Variants in TBX5 observed in about 807,000 individuals in gnomAD.
TBX5 encodes T-box transcription factor TBX5.
In TBX5, 8 loss-of-function variants were observed where a neutral mutation model predicts 51.1. The ratio of observed to expected loss-of-function variants is 0.16; its 90% CI spans 0.09 to 0.28. The LOEUF is 0.28. TBX5 is among the 10% of genes least tolerant of loss of function. The probability of loss-of-function intolerance (pLI) is 1.00; values close to 1 mark genes in which losing one functional copy is unlikely to be tolerated. For synonymous variants in TBX5, 302 were observed against 266.4 expected, an observed-to-expected ratio of 1.13 and a Z score of -1.30; for missense variants, 589 against 671.7, an observed-to-expected ratio of 0.88 and a Z score of 1.36.
chr12:114,399,668 G>C (rs1190444536), intron 3 of TBX5, 36 bp from the exon 4 acceptor site: 2 of 1,613,944 alleles, frequency 1.2e-6, no homozygotes, highest in East Asian at 4.5e-5. Flanking sequence ...AGGGGGGCGG[G>C]AATTAATGCC....
intron 8 of TBX5, among the ~76,000 whole-genome samples, chr12:114,364,786 T>C (rs1869421952): frequency 6.6e-6 from 1 of 152,148 alleles, no homozygotes; most frequent in Admixed American, 6.5e-5. Context: ...TTAGGAAACA[T>C]ATCATTTACA....
chr12:114,398,438 G>C, intron 5 of TBX5, 135 bp downstream of exon 5: 1 of 1,306,854 alleles, frequency 7.7e-7, no homozygotes, highest in Non-Finnish European at 1.1e-6. Context: ...AGAAAGCGAC[G>C]AAAGTGGGGG....
chr12:114,366,065 ATAAAG>A (rs1159358860), intron 8 of TBX5, 95 bp downstream of exon 8: 3 of 1,246,712 alleles, frequency 2.4e-6, no homozygotes, highest in African/African-American at 3.0e-5. Flanking sequence ...TTTTAAATAA[ATAAAG>A]TAAATAAATG....
chr12:114,406,623 G>A (rs1011954950), upstream of TBX5, among the ~76,000 whole-genome samples: 12 of 152,036 alleles, frequency 7.9e-5, no homozygotes, highest in African/African-American at 2.9e-4. Context: ...CGACTCTGGG[G>A]TGAAGGCAGG....
chr12:114,356,780 T>C (rs1290555768), intron 8 of TBX5, among the ~76,000 whole-genome samples: 2 of 152,154 alleles, frequency 1.3e-5, no homozygotes, highest in South Asian at 4.2e-4. Context: ...AGTAACACAT[T>C]TAATCACAAC....
Position 114,385,485 on chromosome 12 carries a change from C to G in TBX5, c.746G>C (p.Arg249Thr). 1 of 1,614,152 alleles carries G rather than the reference C, an allele frequency of 6.2e-7. No individual in the cohort carries two copies. Among genetic ancestry groups the G allele is most frequent in the Non-Finnish European group, 8.5e-7 (1 of 1,180,000 alleles). Residue 249 changes from arginine to threonine, a missense_variant, in exon 7 of 9, where the codon AGA becomes ACA. Arg to Thr is a moderately conservative substitution (Grantham distance 71). Transcript: ENST00000405440. Reference sequence around the variant, plus strand: ...GAATCCACTTTCCTACCTTTGCATTCTTGACATTCTGTGCAGCTCCATGTC... The same window carrying G: ...GAATCCACTTTCCTACCTTTGCATTGTTGACATTCTGTGCAGCTCCATGTC... ...SDDMELHRMS[R>T]MQSKEYPVVP...
At chr12:114,405,226 T>A (rs1413826932) in intron 1 of TBX5, among the ~76,000 whole-genome samples, 2 of 152,172 alleles carry the variant, frequency 1.3e-5, no homozygotes, top group African/African-American at 4.8e-5. Flanking sequence ...TTCGCCTCGT[T>A]CTCGGGGCTT....
At chr12:114,388,675 C>CGT (rs59385091) in intron 6 of TBX5, among the ~76,000 whole-genome samples, 27,201 of 123,860 alleles carry the variant, frequency 0.22, 3,493 homozygotes, top group Non-Finnish European at 0.3. Flanking sequence ...TTAAAGTATC[C>CGT]GTGTGTGTGT....
chr12:114,365,597 G>A (rs542977010), intron 8 of TBX5, among the ~76,000 whole-genome samples: 2 of 152,284 alleles, frequency 1.3e-5, no homozygotes, highest in South Asian at 4.1e-4. Context: ...GGGAAGCCAA[G>A]GCAGGTGGGT....
chr12:114,374,896 C>T (rs564035896), intron 7 of TBX5, among the ~76,000 whole-genome samples: 24 of 152,076 alleles, frequency 1.6e-4, no homozygotes, highest in Admixed American at 5.2e-4. Flanking sequence ...GAGAGAGGGA[C>T]GGAAGGATGG....
intron 6 of TBX5, among the ~76,000 whole-genome samples, chr12:114,387,291 C>A (rs1031049134): frequency 1.3e-5 from 2 of 152,180 alleles, no homozygotes; most frequent in Non-Finnish European, 2.9e-5. Flanking sequence ...GAATTCTTAT[C>A]TATTCTGCCT....
At chr12:114,365,079 C>T (rs1869441089) in intron 8 of TBX5, among the ~76,000 whole-genome samples, 1 of 151,568 alleles carries the variant, frequency 6.6e-6, no homozygotes, top group Admixed American at 6.6e-5. Context: ...AAAAAAAAAG[C>T]CATTTATTTC....
chr12:114,395,222 T>G (rs1477144957), intron 5 of TBX5, among the ~76,000 whole-genome samples: 1 of 152,164 alleles, frequency 6.6e-6, no homozygotes, highest in Non-Finnish European at 1.5e-5. Flanking sequence ...TGAGCAAGTC[T>G]GGATCGAGGA....
chr12:114,355,890 G>A lies in TBX5; in HGVS notation c.1199C>T (p.Thr400Met), dbSNP rs759766836. The A allele has an allele frequency of 1.1e-5, 18 of 1,613,598 alleles. No individual in the cohort carries two copies. The highest frequency in any genetic ancestry group is 1.4e-5 in the Non-Finnish European group (17 of 1,180,038). Residue 400 changes from threonine to methionine, a missense_variant, in exon 9 of 9, where the codon ACG becomes ATG. Coordinates refer to ENST00000405440, the MANE Select transcript of TBX5 (RefSeq NM_181486.4). ...GCTGTAGGAAGGCATGCTTGGCCAC[G>A]TGTTGCAGCTGATGTCCTCTAGGCT... ...VPSLEDISCNTWPSMPSYSSC... is the reference protein window; with the variant it reads ...VPSLEDISCNMWPSMPSYSSC...
At chr12:114,407,859 C>A (rs1264670728), upstream of TBX5, 1 of 985,246 alleles carries the variant, frequency 1.0e-6, no homozygotes, top group Middle Eastern at 5.2e-4. Flanking sequence ...GCCAGGAGTG[C>A]GCCTCGCTGG....
rs1871581681 is a variant in TBX5 at position 114,398,661 on chromosome 12, G to T, written c.422C>A (p.Ser141Tyr). The change falls in exon 5 of 9, where the codon TCC becomes TAC. Residue 141 changes from serine (S) to tyrosine (Y), a missense_variant. Ser to Tyr is a moderately radical substitution (Grantham distance 144). Transcript: ENST00000405440. ...MPGRLYVHPD[S>Y]PATGAHWMRQ... ...CATCCAATGCGCCCCGGTGGCGGGG[G>T]AGTCTGGGTGCACGTACAGGCGGCC... The T allele has an allele frequency of 2.5e-6, 4 of 1,613,206 alleles. No homozygotes were observed. Among genetic ancestry groups the T allele is most frequent in the East Asian group, 2.2e-5 (1 of 44,848 alleles).
rs765443283 is a variant in TBX5 at position 114,355,693 on chromosome 12, C to G, written c.1396G>C (p.Val466Leu). The change falls in exon 9 of 9, where the codon GTG (valine) becomes CTG (leucine). Residue 466 changes from valine to leucine, a missense_variant. This residue lies in a region of TBX5 where 348 missense variants were observed against 360.4 expected (regional missense o/e 0.97). Coordinates refer to ENST00000405440, the MANE Select transcript of TBX5 (RefSeq NM_181486.4). ...GTCTGAGGCCCACACTGCCTGACCA[C>G]AGGCTGGTGGGCCACGGAGGTCTGG... ...QHQTSVAHQP[V>L]VRQCGPQTGL... 1 of 1,613,934 alleles carries G rather than the reference C, an allele frequency of 6.2e-7. No individual in the cohort carries two copies. The highest frequency in any genetic ancestry group is 8.5e-7 in the Non-Finnish European group (1 of 1,179,994).
At position 114,355,670 on chromosome 12, in the gene TBX5, C is replaced by T. The variant is rs1048078; in HGVS notation, c.1419G>A (p.Gln473=). The change falls in exon 9 of 9, where the codon CAG becomes CAA. Residue 473 remains glutamine (Q), a synonymous_variant. Coordinates refer to ENST00000405440, the MANE Select transcript of TBX5 (RefSeq NM_181486.4). ...HQPVVRQCGP[Q]TGLQSPGTLQ... Reference sequence around the variant, plus strand: ...GGGTGCCAGGGGACTGCAGGCCAGTCTGAGGCCCACACTGCCTGACCACAG... The same window carrying T: ...GGGTGCCAGGGGACTGCAGGCCAGTTTGAGGCCCACACTGCCTGACCACAG... The T allele has an allele frequency of 1.2e-6, 2 of 1,614,048 alleles. No homozygotes were observed. The highest frequency in any genetic ancestry group is 1.7e-6 in the Non-Finnish European group (2 of 1,180,046).
intron 1 of TBX5, 42 bp from the exon 2 acceptor site, chr12:114,403,978 G>C (rs1280060236): frequency 6.4e-7 from 1 of 1,554,840 alleles, no homozygotes; most frequent in Non-Finnish European, 8.7e-7. Flanking sequence ...GGGGAGGACA[G>C]AGAGAGAACG....
Sources: gnomAD v4.1 joint callset for allele counts (sites outside exome capture counted in the v4.1 genomes callset) on GRCh38, gnomAD v4.1.1 for gene constraint, gnomAD v4.1.1 regional missense constraint, MANE v1.5 for transcripts, NCBI Gene and HGNC (gene_info 2026-07-23, HGNC 2026-07-21) for gene names.